Variants in HMGA2 observed in about 807,000 individuals in gnomAD.
HMGA2 encodes the protein high mobility group protein HMGI-C.
Under a neutral mutation model 19.1 loss-of-function variants are expected in HMGA2, and 8 were observed. That is an observed-to-expected ratio of 0.42 (90% confidence interval 0.25 to 0.76). HMGA2 has a LOEUF of 0.76. Ranked by LOEUF, HMGA2 falls within the 30% of genes least tolerant of loss-of-function variation. HMGA2 has a pLI of 0.28. For missense variants in HMGA2, 109 were observed against 136.3 expected (o/e 0.80, Z 1.00); for synonymous variants, 60 against 48.8 (o/e 1.23, Z -0.96).
intron 3 of HMGA2, among the ~76,000 whole-genome samples, chr12:65,931,478 C>A (rs549876845): frequency 2.3e-4 from 35 of 151,604 alleles, no homozygotes; most frequent in African/African-American, 8.2e-4. Context: ...CATAAATATC[C>A]TTTATATACT....
chr12:65,940,050 C>T (rs922526353), intron 3 of HMGA2, among the ~76,000 whole-genome samples: 2 of 151,628 alleles, frequency 1.3e-5, no homozygotes, highest in African/African-American at 4.8e-5. Flanking sequence ...TCATAGATAC[C>T]ACAGAATTTA....
In HMGA2 at chr12:65,825,328, G is replaced by A; in HGVS notation, c.58G>A (p.Ala20Thr). 1 of 1,538,512 alleles carries A rather than the reference G, an allele frequency of 6.5e-7. No homozygotes were observed. The highest frequency in any genetic ancestry group is 8.7e-7 in the Non-Finnish European group (1 of 1,146,164). ...GTCCACTTCAGCCCAGGGACAACCTGCCGCCCCAGCGCCTCAGAAGAGAGG... is the reference window on the plus strand; with the variant it reads ...GTCCACTTCAGCCCAGGGACAACCTACCGCCCCAGCGCCTCAGAAGAGAGG... ...QPSTSAQGQPAAPAPQKRGRG... is the reference protein window; with the variant it reads ...QPSTSAQGQPTAPAPQKRGRG... The change falls in exon 1 of 5, where the codon GCC (alanine) becomes ACC (threonine). Residue 20 changes from alanine to threonine, a missense_variant. By Grantham distance (58) the Ala-to-Thr change is moderately conservative (BLOSUM62 0). Coordinates refer to ENST00000403681, the MANE Select transcript of HMGA2 (RefSeq NM_003483.6). This position sits in a 1 kb window ranked among gnomAD's most constrained non-coding sequence, Gnocchi z 4.4.
intron 3 of HMGA2, chr12:65,915,188 T>C (rs1244115021): frequency 1.2e-6 from 2 of 1,609,358 alleles, no homozygotes; most frequent in Non-Finnish European, 1.7e-6. Flanking sequence ...TGAGGAATTG[T>C]CCATTACATC....
chr12:65,885,816 T>C (rs78106033), intron 3 of HMGA2, among the ~76,000 whole-genome samples: 4,226 of 152,326 alleles, frequency 0.028, 211 homozygotes, highest in African/African-American at 0.097. Flanking sequence ...ATTTTCAAAA[T>C]TATTTTAATA....
intron 3 of HMGA2, among the ~76,000 whole-genome samples, chr12:65,908,643 C>A (rs11175957): frequency 6.6e-6 from 1 of 152,202 alleles, no homozygotes; most frequent in African/African-American, 2.4e-5. Flanking sequence ...GCATCTATTT[C>A]TTCCTTGAAG....
intron 1 of HMGA2, among the ~76,000 whole-genome samples, chr12:65,827,451 T>G (rs1870262360): frequency 6.6e-6 from 1 of 152,366 alleles, no homozygotes; most frequent in Middle Eastern, 3.4e-3. Context: ...TATTTTGAAC[T>G]GAAGAACTTG....
chr12:65,842,973 A>G, intron 3 of HMGA2: 1 of 819,786 alleles, frequency 1.2e-6, no homozygotes, highest in Non-Finnish European at 1.5e-6. Flanking sequence ...GTGCTTCTGG[A>G]GGAAAAGAAG....
intron 3 of HMGA2, chr12:65,856,739 C>T (rs558140458): frequency 6.6e-6 from 1 of 152,628 alleles, no homozygotes; most frequent in African/African-American, 2.4e-5. Flanking sequence ...TTTCCCTTCA[C>T]TTCTGGTGCT....
At chr12:65,903,142 T>A (rs1401315890) in intron 3 of HMGA2, among the ~76,000 whole-genome samples, 2 of 152,194 alleles carry the variant, frequency 1.3e-5, no homozygotes, top group African/African-American at 4.8e-5. Flanking sequence ...CCATTTCCCT[T>A]CAGCTGCTTT....
chr12:65,897,481 T>C (rs1046368814), intron 3 of HMGA2, among the ~76,000 whole-genome samples: 1 of 152,206 alleles, frequency 6.6e-6, no homozygotes, highest in Non-Finnish European at 1.5e-5. Flanking sequence ...ATAGAGGTAA[T>C]TCTACTTACT....
Position 65,917,347 on chromosome 12 carries a change from A to G in HMGA2, c.250-34036A>G, listed in dbSNP as rs1393527780. Among the ~76,000 whole-genome samples the G allele has an allele frequency of 3.3e-5, 5 of 152,350 alleles. No individual in the cohort carries two copies. The South Asian group carries it at 8.3e-4, about 25-fold the overall frequency. ...CCGCTAAGAAGTTAAGTAAGAAGCC[A>G]TGGTGTTTGACAGCTTCCATAAAAG... On this transcript the variant is annotated intron_variant, in intron 3 of 4. Transcript: ENST00000403681.
In HMGA2 at chr12:65,860,979, T is replaced by C. The variant is rs569480787; in HGVS notation, c.249+22410T>C. ...CTGCCACACATGGTGTTTGACTTCATGGCACACTTTTCTGCAGAACTGGAA... is the reference window on the plus strand; with the variant it reads ...CTGCCACACATGGTGTTTGACTTCACGGCACACTTTTCTGCAGAACTGGAA... On this transcript the variant is annotated intron_variant, in intron 3 of 4. Coordinates refer to ENST00000403681, the MANE Select transcript of HMGA2 (RefSeq NM_003483.6). Among the ~76,000 whole-genome samples the C allele has an allele frequency of 5.3e-4, 81 of 152,338 alleles. 2 individuals are homozygous for C. The South Asian group carries it at 0.016, about 31-fold the overall frequency.
At chr12:65,869,009 T>A (rs1379000524) in intron 3 of HMGA2, among the ~76,000 whole-genome samples, 1 of 152,160 alleles carries the variant, frequency 6.6e-6, no homozygotes, top group African/African-American at 2.4e-5. Flanking sequence ...CTACTTATGC[T>A]TTAAGAGGTT....
intron 3 of HMGA2, among the ~76,000 whole-genome samples, chr12:65,845,190 G>T (rs1473744746): frequency 6.6e-6 from 1 of 152,092 alleles, no homozygotes; most frequent in Non-Finnish European, 1.5e-5. Flanking sequence ...CAAGTAAAAT[G>T]ATTATATTCC....
intron 3 of HMGA2, chr12:65,858,204 C>T (rs1871843703): frequency 6.6e-6 from 1 of 152,524 alleles, no homozygotes; most frequent in African/African-American, 2.4e-5. Context: ...GATGCAGTTT[C>T]CAATGGTGTG....
At chr12:65,873,692 A>G (rs536992367) in intron 3 of HMGA2, 198 of 152,348 alleles carry the variant, frequency 1.3e-3, no homozygotes, top group African/African-American at 4.6e-3. Flanking sequence ...TGTGACCATT[A>G]TCACATTACT....
chr12:65,858,724 A>T (rs914567781), intron 3 of HMGA2: 3 of 152,218 alleles, frequency 2.0e-5, no homozygotes, highest in African/African-American at 7.2e-5. Flanking sequence ...GAATGCTTTA[A>T]CATAAAACCA....
At chr12:65,961,872 C>T (rs1876762570) in intron 4 of HMGA2, among the ~76,000 whole-genome samples, 1 of 151,834 alleles carries the variant, frequency 6.6e-6, no homozygotes, top group Non-Finnish European at 1.5e-5. Context: ...TTTAGGAGCC[C>T]CTTCACAGCT....
At chr12:65,943,119 C>A (rs1246563690) in intron 3 of HMGA2, among the ~76,000 whole-genome samples, 1 of 152,124 alleles carries the variant, frequency 6.6e-6, no homozygotes, top group Admixed American at 6.6e-5. Context: ...ATCTGTTTTT[C>A]ATTTGTCTCC....
Sources: allele counts gnomAD v4.1 joint callset (sites outside exome capture counted in the v4.1 genomes callset), GRCh38; gene constraint gnomAD v4.1.1; non-coding constraint Gnocchi (gnomAD v3.1); transcripts MANE v1.5; gene names NCBI Gene and HGNC (gene_info 2026-07-23, HGNC 2026-07-21).